Variants in CCDC178 observed in about 807,000 individuals in gnomAD.
The protein encoded by CCDC178 is coiled-coil domain containing 178, also known as coiled-coil domain-containing protein 178.
Under a neutral mutation model 117.4 loss-of-function variants are expected in CCDC178, and 126 were observed. The observed-to-expected ratio is 1.07, with a 90% CI of 0.93 to 1.24. The LOEUF (loss-of-function observed/expected upper bound fraction) is 1.24. Ranked by LOEUF, CCDC178 falls within the 50% of genes most tolerant of loss-of-function variation. The pLI is 0.00. For synonymous variants in CCDC178, 283 were observed against 313.4 expected, an observed-to-expected ratio of 0.90 and a Z score of 1.02; for missense variants, 1,030 against 986.9, an observed-to-expected ratio of 1.04 and a Z score of -0.59.
chr18:33,246,662 T>A (rs937917010), intron 14 of CCDC178, among the ~76,000 whole-genome samples: 4 of 151,490 alleles, frequency 2.6e-5, no homozygotes, highest in Non-Finnish European at 4.4e-5. Context: ...AGAAGAAGCA[T>A]AAAACTAGCT....
At chr18:33,313,183 A>G (rs932638998) in intron 11 of CCDC178, among the ~76,000 whole-genome samples, 1 of 152,208 alleles carries the variant, frequency 6.6e-6, no homozygotes. Flanking sequence ...TTACATGCAC[A>G]TAGGGCTATT....
At chr18:33,261,428 T>C (rs940544714) in intron 14 of CCDC178, among the ~76,000 whole-genome samples, 32 of 152,280 alleles carry the variant, frequency 2.1e-4, no homozygotes, top group South Asian at 2.1e-4. Flanking sequence ...TGCCCCCCTC[T>C]ATTGATTTAC....
intron 21 of CCDC178, among the ~76,000 whole-genome samples, chr18:32,978,243 G>T (rs1460395936): frequency 2.0e-5 from 2 of 101,594 alleles, no homozygotes; most frequent in African/African-American, 3.7e-5. Context: ...GAAATCAATA[G>T]CTAATAGGCC....
At chr18:33,303,979 G>T (rs2062215248) in intron 11 of CCDC178, among the ~76,000 whole-genome samples, 1 of 151,996 alleles carries the variant, frequency 6.6e-6, no homozygotes. Flanking sequence ...GGCTGTAGGG[G>T]ATCCTATTTT....
chr18:33,183,743 A>T (rs1466656792), intron 20 of CCDC178, among the ~76,000 whole-genome samples: 1 of 151,976 alleles, frequency 6.6e-6, no homozygotes. Flanking sequence ...AGCCAAGCTC[A>T]TCTTAAATAT....
intron 20 of CCDC178, among the ~76,000 whole-genome samples, chr18:33,126,692 G>A (rs930106624): frequency 6.6e-6 from 1 of 151,604 alleles, no homozygotes; most frequent in African/African-American, 2.4e-5. Context: ...ACAGAGTCTC[G>A]CTGTTGCCCA....
chr18:33,351,709 AT>A lies in CCDC178; in HGVS notation c.372-2735del, dbSNP rs531247259. 2.0e-5 allele frequency among the ~76,000 whole-genome samples: 3 copies of A among 151,814 alleles called. 1 individual carries two copies. In the South Asian group the frequency reaches 6.2e-4, roughly 32 times the overall value. On this transcript the variant is annotated intron_variant, in intron 7 of 22. Coordinates refer to ENST00000383096, the MANE Select transcript of CCDC178 (RefSeq NM_001105528.4). ...TGGCATGCGCCACCACACCTGGCTC[AT>A]TTTTTCATTGTTGTTGTTTGTTTGT...
chr18:33,043,632 T>C (rs1891558257), intron 21 of CCDC178, among the ~76,000 whole-genome samples: 1 of 152,074 alleles, frequency 6.6e-6, no homozygotes, highest in Non-Finnish European at 1.5e-5. Flanking sequence ...AATAATTTTG[T>C]ATAAATTAAG....
chr18:32,999,198 C>G (rs995431799), intron 21 of CCDC178, among the ~76,000 whole-genome samples: 8 of 152,038 alleles, frequency 5.3e-5, no homozygotes, highest in African/African-American at 1.4e-4. Context: ...AGTAGCCAGA[C>G]AGTACTTGCC....
At chr18:33,198,514 A>G (rs1468548991) in intron 20 of CCDC178, among the ~76,000 whole-genome samples, 1 of 152,186 alleles carries the variant, frequency 6.6e-6, no homozygotes, top group Non-Finnish European at 1.5e-5. Flanking sequence ...AGTAAAATTC[A>G]TACTATTTAA....
At chr18:32,987,518 T>G (rs2055288338) in intron 21 of CCDC178, among the ~76,000 whole-genome samples, 1 of 152,140 alleles carries the variant, frequency 6.6e-6, no homozygotes, top group Non-Finnish European at 1.5e-5. Flanking sequence ...TATATATGTA[T>G]ATATGCATAT....
intron 14 of CCDC178, among the ~76,000 whole-genome samples, chr18:33,246,501 T>C (rs143440717): frequency 5.2e-4 from 79 of 151,846 alleles, no homozygotes; most frequent in Middle Eastern, 3.4e-3. Flanking sequence ...ATGAGCTGCA[T>C]TGATCCTTCA....
chr18:33,041,580 G>A (rs534064243), intron 21 of CCDC178, among the ~76,000 whole-genome samples: 148 of 151,116 alleles, frequency 9.8e-4, no homozygotes, highest in African/African-American at 3.3e-3. Context: ...GAAGAAAATG[G>A]CATTATTCTT....
At chr18:33,250,930 A>G (rs2059613189) in intron 14 of CCDC178, among the ~76,000 whole-genome samples, 1 of 151,664 alleles carries the variant, frequency 6.6e-6, no homozygotes, top group Non-Finnish European at 1.5e-5. Context: ...ATTATTTACA[A>G]AGAAATTATA....
chr18:33,199,969 G>GAT (rs973303673), intron 20 of CCDC178, among the ~76,000 whole-genome samples: 13 of 152,062 alleles, frequency 8.5e-5, no homozygotes, highest in Admixed American at 2.0e-4. Flanking sequence ...TCAGAAACCT[G>GAT]ATATATATAT....
chr18:33,107,720 C>A (rs548625885), intron 20 of CCDC178, among the ~76,000 whole-genome samples: 161 of 151,570 alleles, frequency 1.1e-3, no homozygotes, highest in African/African-American at 3.8e-3. Context: ...ATTTGCTATG[C>A]TATGTATTTT....
intron 14 of CCDC178, 81 bp from the exon 15 acceptor site, chr18:33,245,509 T>C: frequency 8.0e-7 from 1 of 1,245,952 alleles, no homozygotes; most frequent in Non-Finnish European, 1.0e-6. Context: ...AAGAATAAGA[T>C]CATATTTTAT....
At chr18:32,941,697 T>A (rs2054242604) in intron 22 of CCDC178, among the ~76,000 whole-genome samples, 1 of 152,140 alleles carries the variant, frequency 6.6e-6, no homozygotes. Context: ...TGGGCAAAGG[T>A]GCAGATGGTA....
chr18:32,994,459 G>A (rs2055460842), intron 21 of CCDC178, among the ~76,000 whole-genome samples: 1 of 152,030 alleles, frequency 6.6e-6, no homozygotes, highest in South Asian at 2.1e-4. Flanking sequence ...CCTTCTCTGG[G>A]CAAACAGTGT....
Sources: gnomAD v4.1 joint callset for allele counts (sites outside exome capture counted in the v4.1 genomes callset) on GRCh38, gnomAD v4.1.1 for gene constraint, MANE v1.5 for transcripts, NCBI Gene and HGNC (gene_info 2026-07-23, HGNC 2026-07-21) for gene names.